The following ZNF362 variants were observed in gnomAD, a reference collection of about 807,000 sequenced individuals.
The protein encoded by ZNF362 is rotund homolog.
A neutral mutation model predicts 42.9 loss-of-function variants in ZNF362; 11 were observed. The observed-to-expected ratio is 0.26, with a 90% confidence interval of 0.16 to 0.42. The LOEUF is 0.42. Ranked by LOEUF, ZNF362 falls within the 20% of genes least tolerant of loss-of-function variation. ZNF362 has a pLI of 1.00. For missense variants in ZNF362, 362 were observed against 576.2 expected (o/e 0.63, Z 3.81); for synonymous variants, 255 against 257.3 (o/e 0.99, Z 0.09).
intron 6 of ZNF362, among the ~76,000 whole-genome samples, chr1:33,289,728 C>T (rs970856408): frequency 4.6e-5 from 7 of 152,180 alleles, no homozygotes; most frequent in Non-Finnish European, 7.3e-5. Context: ...TTATGGAATC[C>T]CCTCTGTGCT....
chr1:33,252,808 A>G (rs1476133227), upstream of ZNF362, among the ~76,000 whole-genome samples: 1 of 152,182 alleles, frequency 6.6e-6, no homozygotes, highest in Non-Finnish European at 1.5e-5. Context: ...CAATAGTTAG[A>G]ATACAATTAG....
chr1:33,170,775 G>C, the ZNF362 span, among the ~76,000 whole-genome samples: 3 of 152,136 alleles, frequency 2.0e-5, no homozygotes, highest in Non-Finnish European at 4.4e-5. Flanking sequence ...CCACCCATTG[G>C]GCTGTGTGAC....
At chr1:33,174,665 T>C in the ZNF362 span, among the ~76,000 whole-genome samples, 1 of 152,132 alleles carries the variant, frequency 6.6e-6, no homozygotes, top group Non-Finnish European at 1.5e-5. Context: ...GCTGTGCATG[T>C]TTTTGTTCCC....
the ZNF362 span, among the ~76,000 whole-genome samples, chr1:33,248,401 C>A: frequency 3.7e-4 from 56 of 152,320 alleles, no homozygotes; most frequent in Middle Eastern, 3.4e-3. Flanking sequence ...ATAGTCTTCA[C>A]CCTCTGGCTA....
chr1:33,212,096 G>A, the ZNF362 span, among the ~76,000 whole-genome samples: 9 of 152,112 alleles, frequency 5.9e-5, no homozygotes, highest in African/African-American at 2.2e-4. Context: ...GAATTCTCAT[G>A]AGATCTGGTT....
chr1:33,257,528 C>CTGCCG (rs1281272372), intron 1 of ZNF362, among the ~76,000 whole-genome samples: 1 of 150,782 alleles, frequency 6.6e-6, no homozygotes, highest in East Asian at 1.9e-4. Flanking sequence ...GAAAAGTTAA[C>CTGCCG]TGCCGGTTTC....
chr1:33,138,694 G>A, the ZNF362 span, among the ~76,000 whole-genome samples: 1 of 151,076 alleles, frequency 6.6e-6, no homozygotes, highest in Admixed American at 6.6e-5. Context: ...GCTAGCAGCA[G>A]TTATCTCTGG....
the ZNF362 span, among the ~76,000 whole-genome samples, chr1:33,192,586 T>G: frequency 6.6e-6 from 1 of 152,156 alleles, no homozygotes; most frequent in Non-Finnish European, 1.5e-5. Flanking sequence ...AACGGTTAAT[T>G]TAGCAGGGAG....
chr1:33,188,231 A>AAAACAAACAAAC, the ZNF362 span, among the ~76,000 whole-genome samples: 149 of 151,890 alleles, frequency 9.8e-4, no homozygotes, highest in African/African-American at 3.5e-3. Flanking sequence ...ACTTCATCTC[A>AAAACAAACAAAC]AAACAAACAA....
In ZNF362 at chr1:33,280,840, G is replaced by A. The variant is rs952046918; in HGVS notation, c.683+383G>A. On this transcript the variant is annotated intron_variant, in intron 5 of 8. Transcript: ENST00000539719. The surrounding 1 kb of genome is among the most constrained non-coding windows in gnomAD (Gnocchi z 5.6). ...TCCCAGCGCTTTGGGAGGCCAAGGC[G>A]GGTGGATCACCTGCGGTCAGGAGTT... 6.6e-6 allele frequency among the ~76,000 whole-genome samples: 1 copy of A among 152,142 alleles called. No individual in the cohort carries two copies. The highest frequency in any genetic ancestry group is 1.5e-5 in the Non-Finnish European group (1 of 68,014).
intron 6 of ZNF362, among the ~76,000 whole-genome samples, chr1:33,287,378 C>T (rs1458760944): frequency 1.3e-5 from 2 of 152,152 alleles, no homozygotes; most frequent in African/African-American, 2.4e-5. Context: ...TCCAGCTACT[C>T]AGGAGACTGA....
At chr1:33,264,585 T>A (rs1038478854) in intron 1 of ZNF362, among the ~76,000 whole-genome samples, 1 of 152,188 alleles carries the variant, frequency 6.6e-6, no homozygotes, top group Non-Finnish European at 1.5e-5. Context: ...GAGCTGGGGC[T>A]ATCTGCCTCC....
At chr1:33,196,216 C>A in the ZNF362 span, 10 of 152,036 alleles carry the variant, frequency 6.6e-5, no homozygotes, top group Non-Finnish European at 1.0e-4. Flanking sequence ...CCTGTCTCTA[C>A]TAAAAATACA....
At chr1:33,207,286 T>A in the ZNF362 span, among the ~76,000 whole-genome samples, 1 of 152,234 alleles carries the variant, frequency 6.6e-6, no homozygotes, top group African/African-American at 2.4e-5. Flanking sequence ...GAACTCATAC[T>A]TTTTTATAGC....
the ZNF362 span, among the ~76,000 whole-genome samples, chr1:33,143,620 C>T: frequency 1.3e-5 from 2 of 152,188 alleles, no homozygotes; most frequent in African/African-American, 4.8e-5. Flanking sequence ...GAGTCAATGA[C>T]TGGGGTGGTT....
At chr1:33,265,419 A>T (rs1464209852) in intron 1 of ZNF362, among the ~76,000 whole-genome samples, 3 of 152,076 alleles carry the variant, frequency 2.0e-5, no homozygotes, top group Non-Finnish European at 4.4e-5. Flanking sequence ...TAGCCCTGCC[A>T]TCACAATGAA....
the ZNF362 span, among the ~76,000 whole-genome samples, chr1:33,198,413 C>T: frequency 6.6e-6 from 1 of 152,150 alleles, no homozygotes; most frequent in Non-Finnish European, 1.5e-5. Context: ...TGCCTGTAAT[C>T]CCAGCACTTT....
chr1:33,164,718 G>A, the ZNF362 span: 1 of 152,244 alleles, frequency 6.6e-6, no homozygotes, highest in South Asian at 2.1e-4. Context: ...GCCACCTCTG[G>A]AGGGCTTCGA....
the ZNF362 span, among the ~76,000 whole-genome samples, chr1:33,217,960 T>C: frequency 6.6e-6 from 1 of 152,206 alleles, no homozygotes. Flanking sequence ...AAATATACAA[T>C]TTACATAAAT....
Sources: allele counts gnomAD v4.1 joint callset (sites outside exome capture counted in the v4.1 genomes callset), GRCh38; gene constraint gnomAD v4.1.1; non-coding constraint Gnocchi (gnomAD v3.1); transcripts MANE v1.5; gene names NCBI Gene and HGNC (gene_info 2026-07-23, HGNC 2026-07-21).